Variants in MAP3K20 observed in about 807,000 individuals in gnomAD.
The protein encoded by MAP3K20 is HCCS-4.
MAP3K20 carries 40 observed loss-of-function variants against 85.7 expected under a neutral mutation model. The observed-to-expected ratio is 0.47, with a 90% CI of 0.36 to 0.61. The LOEUF (loss-of-function observed/expected upper bound fraction) is 0.61, where lower values mean the gene tolerates loss of function less well. Ranked by LOEUF, MAP3K20 falls within the 20% of genes least tolerant of loss-of-function variation. The pLI, the probability that MAP3K20 is intolerant of heterozygous loss-of-function variation, is 0.00. For synonymous variants in MAP3K20, 325 were observed against 327.7 expected (o/e 0.99, Z 0.09); for missense variants, 817 against 961.7 (o/e 0.85, Z 1.99).
At chr2:173,239,353 G>T in intron 15 of MAP3K20, 51 bp from the exon 16 acceptor site, 1 of 1,406,228 alleles carries the variant, frequency 7.1e-7, no homozygotes, top group Non-Finnish European at 9.7e-7. Context: ...TTCTTTACAT[G>T]AGAAGTAAAA....
chr2:173,250,791 A>G (rs1240111310), intron 16 of MAP3K20, among the ~76,000 whole-genome samples: 1 of 152,086 alleles, frequency 6.6e-6, no homozygotes, highest in African/African-American at 2.4e-5. Context: ...ATTTTTAGGG[A>G]GAGTTTCTTG....
chr2:173,162,600 C>T (rs964013450), intron 2 of MAP3K20, among the ~76,000 whole-genome samples: 16 of 150,956 alleles, frequency 1.1e-4, no homozygotes, highest in Non-Finnish European at 1.9e-4. Flanking sequence ...GCAGGAGAAT[C>T]GCTTGAACCC....
intron 3 of MAP3K20, among the ~76,000 whole-genome samples, chr2:173,180,544 T>C (rs1690294147): frequency 1.3e-5 from 2 of 152,086 alleles, no homozygotes; most frequent in African/African-American, 4.8e-5. Flanking sequence ...AGCGTGGTGA[T>C]GTGCACCTGT....
chr2:173,128,261 G>C (rs1485099958), intron 2 of MAP3K20, among the ~76,000 whole-genome samples: 1 of 152,004 alleles, frequency 6.6e-6, no homozygotes, highest in Admixed American at 6.6e-5. Flanking sequence ...TTGAGTTTAT[G>C]CATCTGTAAA....
intron 9 of MAP3K20, chr2:173,207,562 G>A (rs1049582765): frequency 6.6e-6 from 1 of 152,192 alleles, no homozygotes; most frequent in African/African-American, 2.4e-5. Flanking sequence ...TGTGATAAAA[G>A]ATGTTGAACA....
In MAP3K20 at chr2:173,232,578, G is replaced by A. The variant is rs1376908692; in HGVS notation, c.1203+119G>A. On this transcript the variant is annotated intron_variant, in intron 14 of 19. Transcript: ENST00000375213. ...GAGTGCAAAGGCACAATCTTGGCTC[G>A]TTGCACCCTCCGCCTCCTGGGTTCA... 24 of 1,445,676 alleles carry A rather than the reference G, an allele frequency of 1.7e-5. No homozygotes were observed. In the East Asian group the frequency reaches 2.5e-4, roughly 15 times the overall value. The allele number at this position is 1,445,676 out of a possible 1,614,324, so 89.6% of individuals were successfully genotyped here. A position where few individuals can be genotyped will look rare whatever the true frequency, so the allele number is the denominator to read the frequency against.
At chr2:173,115,052 G>T (rs947227180) in intron 2 of MAP3K20, among the ~76,000 whole-genome samples, 2 of 152,028 alleles carry the variant, frequency 1.3e-5, no homozygotes, top group Non-Finnish European at 2.9e-5. Flanking sequence ...TTATTCTAAG[G>T]TTTGGTCATT....
At chr2:173,239,278 C>T in intron 15 of MAP3K20, 126 bp from the exon 16 acceptor site, 3 of 717,476 alleles carry the variant, frequency 4.2e-6, no homozygotes, top group Non-Finnish European at 6.5e-6. Flanking sequence ...TAGCTTAATC[C>T]AAAATAACCA....
chr2:173,239,307 T>C (rs1210592263), intron 15 of MAP3K20, 97 bp from the exon 16 acceptor site: 3 of 877,752 alleles, frequency 3.4e-6, no homozygotes, highest in Non-Finnish European at 5.0e-6. Flanking sequence ...TAGATTAGAA[T>C]AGAAAAAAAA....
At chr2:173,168,147 TAAG>T (rs908191779) in intron 2 of MAP3K20, among the ~76,000 whole-genome samples, 1 of 151,620 alleles carries the variant, frequency 6.6e-6, no homozygotes, top group African/African-American at 2.4e-5. Flanking sequence ...ATTATTATAG[TAAG>T]AAGTAGGGTT....
At chr2:173,142,675 A>G (rs1689011767) in intron 2 of MAP3K20, among the ~76,000 whole-genome samples, 1 of 152,176 alleles carries the variant, frequency 6.6e-6, no homozygotes, top group African/African-American at 2.4e-5. Context: ...CAATGAATGA[A>G]TGAAAATGAT....
At chr2:173,227,224 C>G in intron 11 of MAP3K20, 1 of 756,842 alleles carries the variant, frequency 1.3e-6, no homozygotes, top group South Asian at 6.0e-5. Context: ...GAATCGTTGT[C>G]ACACGCATGC....
At chr2:173,235,388 G>T (rs554412200) in intron 14 of MAP3K20, among the ~76,000 whole-genome samples, 9 of 152,186 alleles carry the variant, frequency 5.9e-5, no homozygotes, top group Non-Finnish European at 7.3e-5. Flanking sequence ...TCCCCCACCT[G>T]GGACCCCCTC....
intron 11 of MAP3K20, chr2:173,226,424 T>A: frequency 2.0e-6 from 2 of 985,506 alleles, no homozygotes; most frequent in Non-Finnish European, 2.4e-6. Context: ...AAATTTTCTA[T>A]AATCAGGCAC....
At chr2:173,136,561 G>A (rs927777493) in intron 2 of MAP3K20, among the ~76,000 whole-genome samples, 2 of 152,132 alleles carry the variant, frequency 1.3e-5, no homozygotes, top group African/African-American at 4.8e-5. Context: ...TTTGAATAGT[G>A]CAAGTTCAAT....
At chr2:173,116,333 A>G (rs1688123853) in intron 2 of MAP3K20, among the ~76,000 whole-genome samples, 1 of 152,212 alleles carries the variant, frequency 6.6e-6, no homozygotes, top group African/African-American at 2.4e-5. Context: ...ATATATTGTT[A>G]CAAACTGTAT....
chr2:173,148,793 G>A lies in MAP3K20; in HGVS notation c.160-21012G>A, dbSNP rs189497559. ...TTCATGGTTTGCCAAATTTGGCAGA[G>A]TTCTTCACTTCTTTGACTGTATAGC... On this transcript the variant is annotated intron_variant, in intron 2 of 19. Coordinates refer to ENST00000375213, the MANE Select transcript of MAP3K20 (RefSeq NM_016653.3). Among the ~76,000 whole-genome samples the A allele has an allele frequency of 4.0e-3, 616 of 152,338 alleles. 4 individuals are homozygous for A. The highest frequency in any genetic ancestry group is 5.2e-3 in the Non-Finnish European group (355 of 68,026).
At chr2:173,213,508 T>C (rs957561415) in intron 10 of MAP3K20, among the ~76,000 whole-genome samples, 1 of 152,224 alleles carries the variant, frequency 6.6e-6, no homozygotes, top group Non-Finnish European at 1.5e-5. Context: ...TGTCACTTAT[T>C]AGGTTCTTAC....
At chr2:173,163,090 T>C (rs1304462018) in intron 2 of MAP3K20, among the ~76,000 whole-genome samples, 1 of 152,194 alleles carries the variant, frequency 6.6e-6, no homozygotes, top group African/African-American at 2.4e-5. Context: ...CAAATACATA[T>C]AGAGTACATA....
Sources: allele counts gnomAD v4.1 joint callset (sites outside exome capture counted in the v4.1 genomes callset), GRCh38; gene constraint gnomAD v4.1.1; transcripts MANE v1.5; gene names NCBI Gene and HGNC (gene_info 2026-07-23, HGNC 2026-07-21).